GASK1A: variants seen among roughly 807,000 people sequenced by gnomAD.
GASK1A encodes Golgi-associated kinase 1A.
GASK1A carries 40 observed loss-of-function variants against 41.2 expected under a neutral mutation model. That is an observed-to-expected ratio of 0.97 (90% CI 0.75 to 1.27). The LOEUF is 1.27. Ranked by LOEUF, GASK1A falls within the 50% of genes most tolerant of loss-of-function variation. The pLI, the probability that GASK1A is intolerant of heterozygous loss-of-function variation, is 0.00. For synonymous variants in GASK1A, 316 were observed against 307.1 expected, an observed-to-expected ratio of 1.03 and a Z score of -0.30; for missense variants, 678 against 745.1, an observed-to-expected ratio of 0.91 and a Z score of 1.05.
chr3:43,039,065 G>A (rs1448038105), intron 2 of GASK1A, among the ~76,000 whole-genome samples: 1 of 145,232 alleles, frequency 6.9e-6, no homozygotes, highest in African/African-American at 2.5e-5. Context: ...TTTCATCTTA[G>A]TCCTGCCTCT....
chr3:43,013,567 G>A (rs1207676349), intron 1 of GASK1A, among the ~76,000 whole-genome samples: 1 of 151,726 alleles, frequency 6.6e-6, no homozygotes, highest in African/African-American at 2.4e-5. Context: ...ACAGGGAGGG[G>A]TATTGTGAAG....
At chr3:43,014,438 G>T (rs747548767) in intron 1 of GASK1A, among the ~76,000 whole-genome samples, 19 of 152,004 alleles carry the variant, frequency 1.2e-4, no homozygotes, top group Non-Finnish European at 1.5e-5. Flanking sequence ...CACAGAAGGG[G>T]CAGTGTGACG....
chr3:43,000,623 T>C (rs1356952331), intron 1 of GASK1A, among the ~76,000 whole-genome samples: 2 of 152,238 alleles, frequency 1.3e-5, no homozygotes, highest in African/African-American at 4.8e-5. Flanking sequence ...TTTGTTACAT[T>C]CCTCTGTCAC....
intron 2 of GASK1A, chr3:43,037,034 G>A (rs533485358): frequency 6.3e-6 from 3 of 479,692 alleles, no homozygotes; most frequent in Non-Finnish European, 7.5e-6. Flanking sequence ...ATGAGGCAAG[G>A]GTGGTTTCCA....
At chr3:43,030,564 C>T (rs2089569893) in intron 1 of GASK1A, among the ~76,000 whole-genome samples, 1 of 152,220 alleles carries the variant, frequency 6.6e-6, no homozygotes, top group Admixed American at 6.5e-5. Context: ...TTTGTCTATG[C>T]AACGGTTTCC....
intron 1 of GASK1A, among the ~76,000 whole-genome samples, chr3:42,981,636 G>A (rs2089283377): frequency 6.6e-6 from 1 of 152,114 alleles, no homozygotes. Context: ...ATGTTTTCAG[G>A]CTCTGCAAGT....
At chr3:42,990,422 C>T (rs1417431566) in intron 1 of GASK1A, among the ~76,000 whole-genome samples, 1 of 151,644 alleles carries the variant, frequency 6.6e-6, no homozygotes, top group African/African-American at 2.4e-5. Flanking sequence ...CAGAGTGCTG[C>T]TCTCTGCCTG....
At chr3:42,999,149 A>G (rs984764599) in intron 1 of GASK1A, among the ~76,000 whole-genome samples, 11 of 151,858 alleles carry the variant, frequency 7.2e-5, no homozygotes, top group African/African-American at 4.8e-5. Flanking sequence ...TCACAGTGTG[A>G]CAATCTGATT....
intron 3 of GASK1A, chr3:43,053,871 C>A (rs1336064320): frequency 3.1e-6 from 2 of 637,196 alleles, no homozygotes; most frequent in Admixed American, 2.1e-5. Context: ...GGGGTGGGGG[C>A]TGGAGCCTTG....
intron 1 of GASK1A, among the ~76,000 whole-genome samples, chr3:43,019,757 AACAC>A (rs148054172): frequency 0.19 from 27,963 of 146,456 alleles, 2,651 homozygotes; most frequent in Non-Finnish European, 0.21. Context: ...TTCCGTTTTT[AACAC>A]ACACACACAC....
intron 1 of GASK1A, among the ~76,000 whole-genome samples, chr3:43,011,701 T>A (rs2089464274): frequency 1.3e-5 from 2 of 150,076 alleles, no homozygotes; most frequent in South Asian, 4.2e-4. Context: ...AGGAAGGGGC[T>A]GTGTGGAGCC....
At chr3:42,983,056 T>C (rs1159795420) in intron 1 of GASK1A, among the ~76,000 whole-genome samples, 2 of 152,158 alleles carry the variant, frequency 1.3e-5, no homozygotes, top group Non-Finnish European at 2.9e-5. Flanking sequence ...GTAGGTCCTG[T>C]CACAGTCACT....
In GASK1A at chr3:43,033,378, C is replaced by T. The variant is rs987945473; in HGVS notation, c.1115C>T (p.Ala372Val). The change falls in exon 2 of 5, where the codon GCA (alanine) becomes GTA (valine). Residue 372 changes from alanine to valine, a missense_variant. By Grantham distance (64) the Ala-to-Val change is moderately conservative. Coordinates refer to ENST00000430121, the MANE Select transcript of GASK1A (RefSeq NM_001129908.3). ...GGAGCAAGGCCTGTCATCTGGTGGG[C>T]ACCCGATGTGCAGCACCTGAGCGAC... The part of the protein sequence containing the change: ...DGGARPVIWW[A>V]PDVQHLSDPD... 27 of 1,551,428 alleles carry T rather than the reference C, an allele frequency of 1.7e-5. No individual in the cohort carries two copies. The highest frequency in any genetic ancestry group is 5.9e-5 in the Admixed American group (3 of 50,990).
At chr3:42,979,877 T>G (rs2125670573) in intron 1 of GASK1A, among the ~76,000 whole-genome samples, 2 of 152,194 alleles carry the variant, frequency 1.3e-5, no homozygotes, top group East Asian at 3.9e-4. Context: ...AAGGGGGCTT[T>G]TATTACTAAT....
rs1212854225 is a variant in GASK1A at position 43,056,390 on chromosome 3, G to A, written c.*4G>A. The A allele has an allele frequency of 1.8e-5, 28 of 1,534,034 alleles. No homozygotes were observed. Among genetic ancestry groups the A allele is most frequent in the Admixed American group, 4.0e-5 (2 of 49,560 alleles). ...CTTCAGGGACGAGGACCCATAAGCC[G>A]CACACAGCCCTGAGTCAATGAGCAT... is the stretch of plus-strand genomic sequence containing the variant. On this transcript the variant is annotated 3_prime_UTR_variant, in exon 5 of 5. Coordinates refer to ENST00000430121, the MANE Select transcript of GASK1A (RefSeq NM_001129908.3).
rs1464096969 is a variant in GASK1A, at chr3:43,051,851, C to T, written c.1291-1670C>T. Among the ~76,000 whole-genome samples, 4 of 152,198 alleles carry T rather than the reference C, an allele frequency of 2.6e-5. No individual in the cohort carries two copies. In the South Asian group the frequency reaches 8.3e-4, roughly 32 times the overall value. On this transcript the variant is annotated intron_variant, in intron 2 of 4. Coordinates refer to ENST00000430121, the MANE Select transcript of GASK1A (RefSeq NM_001129908.3). ...GCAATGAGGTCTGCTCTGCTCCCTT[C>T]ATACTGAGTTTCCAGGTTCCCAGGC...
intron 1 of GASK1A, among the ~76,000 whole-genome samples, chr3:42,988,321 G>A (rs1048788091): frequency 6.6e-6 from 1 of 152,196 alleles, no homozygotes; most frequent in Non-Finnish European, 1.5e-5. Context: ...TTTTGAGGGT[G>A]TTTGCTTGCA....
chr3:43,004,750 G>A (rs935290263), intron 1 of GASK1A, among the ~76,000 whole-genome samples: 2 of 152,208 alleles, frequency 1.3e-5, no homozygotes, highest in Non-Finnish European at 2.9e-5. Context: ...TGAGATCAGT[G>A]TTTACATTAT....
Position 42,984,645 on chromosome 3 carries a change from A to G in GASK1A, c.3+5000A>G, listed in dbSNP as rs1367385307. Among the ~76,000 whole-genome samples the G allele has an allele frequency of 6.6e-6, 1 of 152,232 alleles. No homozygotes were observed. Among genetic ancestry groups the G allele is most frequent in the Non-Finnish European group, 1.5e-5 (1 of 68,040 alleles). On this transcript the variant is annotated intron_variant, in intron 1 of 4. Transcript: ENST00000430121. This position sits in a 1 kb window ranked among gnomAD's most constrained non-coding sequence, Gnocchi z 4.2. ...CAGTCACTCACCACTTGTAGAGTCC[A>G]ATTAACAAGAGCAAGGTCTAGTATA... is the stretch of plus-strand genomic sequence containing the variant.
Sources: gnomAD v4.1 joint callset for allele counts (sites outside exome capture counted in the v4.1 genomes callset) on GRCh38, gnomAD v4.1.1 for gene constraint, Gnocchi (gnomAD v3.1) non-coding constraint, MANE v1.5 for transcripts, NCBI Gene and HGNC (gene_info 2026-07-23, HGNC 2026-07-21) for gene names.